Variants in SNX29 observed in about 807,000 individuals in gnomAD.
SNX29 encodes sorting nexin-29.
SNX29 carries 78 observed loss-of-function variants against 102.1 expected under a neutral mutation model. That is an observed-to-expected ratio of 0.76 (90% CI 0.64 to 0.92). SNX29 has a LOEUF of 0.92. Ranked by LOEUF, SNX29 falls within the 40% of genes least tolerant of loss-of-function variation. The pLI is 0.00. For synonymous variants in SNX29, 580 were observed against 414.5 expected, an observed-to-expected ratio of 1.40 and a Z score of -4.85; for missense variants, 1,280 against 1,061.7, an observed-to-expected ratio of 1.21 and a Z score of -2.86.
At position 12,168,084 on chromosome 16, in the gene SNX29, G is replaced by A. The variant is rs532905373; in HGVS notation, c.1596-31517G>A. On this transcript the variant is annotated intron_variant, in intron 13 of 20. Coordinates refer to ENST00000566228, the MANE Select transcript of SNX29 (RefSeq NM_032167.5). ...CACTGGGAGACAGTCATGAAGTGGC[G>A]TATTCTGGTGAGGAGGCAGACAGTA... Among the ~76,000 whole-genome samples, 4 of 152,334 alleles carry A rather than the reference G, an allele frequency of 2.6e-5. No homozygotes were observed. In the South Asian group the frequency reaches 6.2e-4, roughly 24 times the overall value.
chr16:12,021,684 T>A (rs2151095819), intron 3 of SNX29, among the ~76,000 whole-genome samples: 1 of 152,176 alleles, frequency 6.6e-6, no homozygotes, highest in East Asian at 1.9e-4. Context: ...GGTCAGCAGT[T>A]TGAGATCAGC....
chr16:12,158,982 A>G (rs1353915536), intron 13 of SNX29, among the ~76,000 whole-genome samples: 1 of 152,208 alleles, frequency 6.6e-6, no homozygotes, highest in African/African-American at 2.4e-5. Context: ...TGGGCGGAGA[A>G]TGAGATTTGT....
chr16:12,545,854 C>T (rs1472589206), intron 20 of SNX29, among the ~76,000 whole-genome samples: 1 of 152,144 alleles, frequency 6.6e-6, no homozygotes, highest in Non-Finnish European at 1.5e-5. Flanking sequence ...GATCACCTCT[C>T]CTTGAGAGGG....
chr16:12,135,200 T>C (rs1183687014), intron 13 of SNX29, among the ~76,000 whole-genome samples: 2 of 152,250 alleles, frequency 1.3e-5, no homozygotes. Flanking sequence ...CATGCTAATC[T>C]CTTCCAGAAA....
chr16:12,524,854 C>T lies in SNX29; in HGVS notation c.2318+13C>T, dbSNP rs769925769. Reference sequence around the variant, plus strand: ...TGCCCTTCTTCGTGTAAGTACTGCTCCCACGGACATGGGCCGCCAGCCCTG... The same window carrying T: ...TGCCCTTCTTCGTGTAAGTACTGCTTCCACGGACATGGGCCGCCAGCCCTG... On this transcript the variant is annotated intron_variant, in intron 20 of 20. Transcript: ENST00000566228. The T allele has an allele frequency of 1.2e-6, 2 of 1,608,442 alleles. No homozygotes were observed. Among genetic ancestry groups the T allele is most frequent in the Non-Finnish European group, 1.7e-6 (2 of 1,176,562 alleles).
intron 4 of SNX29, chr16:12,029,854 A>T: frequency 8.8e-6 from 3 of 340,836 alleles, no homozygotes; most frequent in South Asian, 4.6e-5. Flanking sequence ...GACCTCCCAA[A>T]GTGCTGGGAT....
intron 15 of SNX29, among the ~76,000 whole-genome samples, chr16:12,342,180 T>C (rs1484271838): frequency 6.6e-6 from 1 of 152,232 alleles, no homozygotes; most frequent in Admixed American, 6.5e-5. Flanking sequence ...CTTCACTGCG[T>C]ATATCATGGG....
intron 15 of SNX29, among the ~76,000 whole-genome samples, chr16:12,324,132 C>G (rs566024178): frequency 1.3e-5 from 2 of 152,138 alleles, no homozygotes; most frequent in South Asian, 2.1e-4. Flanking sequence ...TCACATGAGA[C>G]TGGGACCTGT....
intron 19 of SNX29, among the ~76,000 whole-genome samples, chr16:12,524,010 G>C (rs2090200566): frequency 6.6e-6 from 1 of 152,148 alleles, no homozygotes; most frequent in African/African-American, 2.4e-5. Context: ...CCTCAGCCAA[G>C]TAGCTGGGAT....
At chr16:12,316,061 G>A (rs763992658) in intron 15 of SNX29, among the ~76,000 whole-genome samples, 1 of 152,238 alleles carries the variant, frequency 6.6e-6, no homozygotes, top group Non-Finnish European at 1.5e-5. Context: ...ATGTGATTGG[G>A]TGAATGCTGG....
At chr16:12,555,127 C>A (rs961358877) in intron 20 of SNX29, among the ~76,000 whole-genome samples, 1 of 61,898 alleles carries the variant, frequency 1.6e-5, no homozygotes, top group Non-Finnish European at 8.5e-5. Context: ...TATCAAAAGG[C>A]TTATTCTCAG....
At chr16:12,123,618 C>A (rs1004792840) in intron 11 of SNX29, among the ~76,000 whole-genome samples, 5 of 152,132 alleles carry the variant, frequency 3.3e-5, no homozygotes, top group Admixed American at 2.6e-4. Context: ...TCCTGCTGTT[C>A]CGTTTCTCTC....
chr16:12,110,828 A>AT (rs1200927051), intron 11 of SNX29, among the ~76,000 whole-genome samples: 120 of 150,298 alleles, frequency 8.0e-4, no homozygotes, highest in East Asian at 1.6e-3. Context: ...TTTCTTTTTT[A>AT]ATTTTTTTTT....
intron 18 of SNX29, chr16:12,443,250 C>T (rs916504288): frequency 7.5e-5 from 22 of 294,938 alleles, no homozygotes; most frequent in South Asian, 6.0e-4. Flanking sequence ...AGCAGGGTCA[C>T]CTGTGTGCTA....
intron 10 of SNX29, among the ~76,000 whole-genome samples, chr16:12,070,251 T>C (rs2051232856): frequency 6.6e-6 from 1 of 151,820 alleles, no homozygotes; most frequent in Admixed American, 6.6e-5. Flanking sequence ...TATGTATACA[T>C]GTGCCATGCT....
intron 19 of SNX29, among the ~76,000 whole-genome samples, chr16:12,503,629 T>TCCAG (rs1434822843): frequency 6.6e-6 from 1 of 152,196 alleles, no homozygotes; most frequent in Non-Finnish European, 1.5e-5. Flanking sequence ...TAAAGCTGGC[T>TCCAG]CCAGGGCTGG....
chr16:12,234,349 C>A (rs1276126104), intron 14 of SNX29, among the ~76,000 whole-genome samples: 2 of 152,084 alleles, frequency 1.3e-5, no homozygotes, highest in Non-Finnish European at 2.9e-5. Context: ...GCTTACTGGC[C>A]ATTTGTAGAT....
At chr16:12,112,643 C>G (rs2053544276) in intron 11 of SNX29, among the ~76,000 whole-genome samples, 1 of 152,184 alleles carries the variant, frequency 6.6e-6, no homozygotes, top group Non-Finnish European at 1.5e-5. Context: ...GTCCAGGTCT[C>G]TTCTGGCAAG....
intron 3 of SNX29, among the ~76,000 whole-genome samples, chr16:12,019,629 G>GATATAT (rs1392480863): frequency 1.1e-4 from 15 of 136,460 alleles, no homozygotes; most frequent in African/African-American, 4.1e-4. Flanking sequence ...GATAGATATA[G>GATATAT]ATATATAATT....
Sources: gnomAD v4.1 joint callset for allele counts (sites outside exome capture counted in the v4.1 genomes callset) on GRCh38, gnomAD v4.1.1 for gene constraint, MANE v1.5 for transcripts, NCBI Gene and HGNC (gene_info 2026-07-23, HGNC 2026-07-21) for gene names.